Variants in ABCA13 observed in about 807,000 individuals in gnomAD.
The protein encoded by ABCA13 is ATP binding cassette subfamily A member 13.
A neutral mutation model predicts 478.7 loss-of-function variants in ABCA13; 476 were observed. The ratio of observed to expected loss-of-function variants is 0.99; its 90% CI spans 0.92 to 1.07. The LOEUF (loss-of-function observed/expected upper bound fraction) is 1.07, where lower values mean the gene tolerates loss of function less well. Ranked by LOEUF, ABCA13 falls within the 50% of genes least tolerant of loss-of-function variation. The pLI, the probability that ABCA13 is intolerant of heterozygous loss-of-function variation, is 0.00. For synonymous variants in ABCA13, 2,252 were observed against 2,158.9 expected (o/e 1.04, Z -1.20); for missense variants, 6,060 against 5,910.6 (o/e 1.03, Z -0.83).
At position 48,551,752 on chromosome 7, in the gene ABCA13, A is replaced by G. The variant is rs890015236; in HGVS notation, c.14354+23407A>G. Among the ~76,000 whole-genome samples, 4 of 151,682 alleles carry G rather than the reference A, an allele frequency of 2.6e-5. No homozygotes were observed. In the South Asian group the frequency reaches 6.2e-4, roughly 24 times the overall value. On this transcript the variant is annotated intron_variant, in intron 55 of 61. Transcript: ENST00000435803. ...TTGTGTTTTATTTTTGTAACAAAGGATGACTGCAGTGAGAGATTCCCTGTC... is the reference window on the plus strand; with the variant it reads ...TTGTGTTTTATTTTTGTAACAAAGGGTGACTGCAGTGAGAGATTCCCTGTC...
chr7:48,325,169 A>T (rs1350645488), intron 27 of ABCA13, among the ~76,000 whole-genome samples: 1 of 152,200 alleles, frequency 6.6e-6, no homozygotes, highest in Non-Finnish European at 1.5e-5. Flanking sequence ...CAGACTAAGG[A>T]TGGCTTGCAG....
chr7:48,181,359 T>C lies in ABCA13; in HGVS notation c.69+9807T>C, dbSNP rs190548575. Reference sequence around the variant, plus strand: ...TCCTCTTTTTTTCTTATTTTTATTGTTCAGACTTGACAGTTTGTATATCTT... The same window carrying C: ...TCCTCTTTTTTTCTTATTTTTATTGCTCAGACTTGACAGTTTGTATATCTT... On this transcript the variant is annotated intron_variant, in intron 1 of 61. Coordinates refer to ENST00000435803, the MANE Select transcript of ABCA13 (RefSeq NM_152701.5). Among the ~76,000 whole-genome samples the C allele has an allele frequency of 7.0e-4, 107 of 152,326 alleles. 2 individuals carry two copies. The East Asian group carries it at 0.011, about 16-fold the overall frequency.
At chr7:48,474,986 G>T (rs985577871) in intron 45 of ABCA13, among the ~76,000 whole-genome samples, 4 of 152,188 alleles carry the variant, frequency 2.6e-5, no homozygotes, top group Admixed American at 6.5e-5. Context: ...AATACGTTTT[G>T]CAAATGCTGG....
chr7:48,374,746 T>C (rs1813190442), intron 34 of ABCA13, among the ~76,000 whole-genome samples: 1 of 152,202 alleles, frequency 6.6e-6, no homozygotes, highest in South Asian at 2.1e-4. Context: ...TGCAAATGTG[T>C]CCATCTGTTA....
chr7:48,584,575 T>C (rs990998501), intron 56 of ABCA13, among the ~76,000 whole-genome samples: 2 of 152,278 alleles, frequency 1.3e-5, no homozygotes, highest in Admixed American at 6.5e-5. Flanking sequence ...CTCGATGGAA[T>C]GGCATGCTGT....
intron 59 of ABCA13, among the ~76,000 whole-genome samples, chr7:48,630,552 T>A (rs1007403485): frequency 2.6e-5 from 4 of 152,088 alleles, no homozygotes; most frequent in African/African-American, 9.7e-5. Context: ...TTTCTTTATT[T>A]AGCTGATGGT....
intron 59 of ABCA13, among the ~76,000 whole-genome samples, chr7:48,641,370 C>T (rs1007244967): frequency 1.3e-5 from 2 of 152,202 alleles, no homozygotes; most frequent in African/African-American, 2.4e-5. Flanking sequence ...GAACATTCTT[C>T]TGTTCTGGTC....
chr7:48,459,111 C>T (rs1289996108), intron 43 of ABCA13, among the ~76,000 whole-genome samples: 2 of 152,174 alleles, frequency 1.3e-5, no homozygotes, highest in Non-Finnish European at 2.9e-5. Flanking sequence ...GTGGCAGGGC[C>T]TCTGTGCCTG....
intron 41 of ABCA13, among the ~76,000 whole-genome samples, chr7:48,425,483 G>A (rs1018100270): frequency 2.0e-4 from 31 of 152,062 alleles, no homozygotes; most frequent in African/African-American, 7.2e-4. Flanking sequence ...CCCTATAAAT[G>A]CACTAGGTGA....
intron 58 of ABCA13, among the ~76,000 whole-genome samples, chr7:48,597,044 T>C (rs959887018): frequency 1.3e-5 from 2 of 151,578 alleles, no homozygotes; most frequent in South Asian, 2.1e-4. Context: ...CTCCGCCTCC[T>C]GGGTTCACGC....
Position 48,423,652 on chromosome 7 carries a change from A to G in ABCA13, c.12460-4114A>G, listed in dbSNP as rs532340553. Among the ~76,000 whole-genome samples the G allele has an allele frequency of 1.8e-4, 27 of 152,320 alleles. No homozygotes were observed. In the South Asian group the frequency reaches 5.4e-3, roughly 30 times the overall value. On this transcript the variant is annotated intron_variant, in intron 41 of 61. Coordinates refer to ENST00000435803, the MANE Select transcript of ABCA13 (RefSeq NM_152701.5). ...TAAATTAAGGAGATGTAGATCCCCA[A>G]ATGAAGAATCCCAAAACTTTTGAAT...
chr7:48,470,661 T>A (rs2130285204), intron 44 of ABCA13, among the ~76,000 whole-genome samples: 1 of 152,306 alleles, frequency 6.6e-6, no homozygotes, highest in South Asian at 2.1e-4. Flanking sequence ...TTAATAGAAA[T>A]GGCAAGTTTC....
intron 42 of ABCA13, among the ~76,000 whole-genome samples, chr7:48,442,026 G>A (rs1585339014): frequency 1.3e-5 from 2 of 152,226 alleles, no homozygotes; most frequent in African/African-American, 4.8e-5. Flanking sequence ...CCAGAGGAGA[G>A]ACTGTGTAAA....
intron 1 of ABCA13, among the ~76,000 whole-genome samples, chr7:48,178,854 G>T (rs999119296): frequency 6.6e-6 from 1 of 151,028 alleles, no homozygotes; most frequent in African/African-American, 2.4e-5. Context: ...TCTCTAGGTT[G>T]CTCTTTTGCT....
intron 41 of ABCA13, among the ~76,000 whole-genome samples, chr7:48,420,678 C>T (rs1211614615): frequency 6.6e-6 from 1 of 151,074 alleles, no homozygotes; most frequent in Non-Finnish European, 1.5e-5. Context: ...TCAGCTGCCC[C>T]ATCCTACACA....
Position 48,272,561 on chromosome 7 carries a change from T to G in ABCA13, c.2895T>G (p.Tyr965Ter). 6.2e-7 allele frequency: 1 copy of G among 1,613,778 alleles called. No individual in the cohort carries two copies. The highest frequency in any genetic ancestry group is 1.1e-5 in the South Asian group (1 of 91,084). Reference sequence around the variant, plus strand: ...ATTCAGCTTTACTTCTGCAAATTTATTCTTCATTTTACCGATATATTTATG... The same window carrying G: ...ATTCAGCTTTACTTCTGCAAATTTAGTCTTCATTTTACCGATATATTTATG... The part of the protein sequence containing the change: ...DKDSALLLQI[Y>*]SSFYRYIYEL... Residue 965 changes from tyrosine (Y) to a stop codon, truncating the protein, a stop_gained, in exon 17 of 62, where the codon TAT becomes TAG. Transcript: ENST00000435803. LOFTEE classifies it high-confidence loss of function.
intron 57 of ABCA13, among the ~76,000 whole-genome samples, chr7:48,590,743 C>T (rs537229168): frequency 6.4e-4 from 98 of 152,134 alleles, no homozygotes; most frequent in African/African-American, 2.2e-3. Flanking sequence ...TTAATAATGT[C>T]GAACATCTTT....
Position 48,410,077 on chromosome 7 carries a change from G to A in ABCA13, c.12071-443G>A, listed in dbSNP as rs112550179. 1.3e-3 allele frequency among the ~76,000 whole-genome samples: 161 copies of A among 126,950 alleles called. 2 individuals carry two copies. The highest frequency in any genetic ancestry group is 4.4e-3 in the African/African-American group (150 of 34,396). 83.3% of individuals were successfully genotyped at this position (126,950 alleles called of 152,430 possible). A position where few individuals can be genotyped will look rare whatever the true frequency, so the allele number is the denominator to read the frequency against. ...CCACTGCACTCCAGCCTGGGAGACA[G>A]AGCAAGACTCCATCTCAAAAAAAAA... On this transcript the variant is annotated intron_variant, in intron 39 of 61. Transcript: ENST00000435803.
At chr7:48,277,835 T>G (rs115881982) in intron 17 of ABCA13, among the ~76,000 whole-genome samples, 1 of 152,164 alleles carries the variant, frequency 6.6e-6, no homozygotes, top group African/African-American at 2.4e-5. Context: ...AAGCAAAAGT[T>G]TGTGGCTTTT....
Sources: allele counts gnomAD v4.1 joint callset (sites outside exome capture counted in the v4.1 genomes callset), GRCh38; gene constraint gnomAD v4.1.1; transcripts MANE v1.5; gene names NCBI Gene and HGNC (gene_info 2026-07-23, HGNC 2026-07-21).